Variants in FGF12 observed in about 807,000 individuals in gnomAD.
FGF12 encodes fibroblast growth factor 12B.
In FGF12, 14 loss-of-function variants were observed where a neutral mutation model predicts 23.6. The ratio of observed to expected loss-of-function variants is 0.59; its 90% CI spans 0.39 to 0.93. The LOEUF (loss-of-function observed/expected upper bound fraction) is 0.93. Among genes scored for constraint, FGF12 ranks in the 40% least tolerant of loss-of-function variants. The pLI is 0.00. For synonymous variants in FGF12, 62 were observed against 77.3 expected (o/e 0.80, Z 1.04); for missense variants, 175 against 217.8 (o/e 0.80, Z 1.24).
chr3:192,724,868 A>G (rs6798253), intron 2 of FGF12, among the ~76,000 whole-genome samples: 53,265 of 152,146 alleles, frequency 0.35, 11,748 homozygotes, highest in African/African-American at 0.61. Context: ...AAGATTAAAC[A>G]GGCCATTAGA....
At chr3:192,686,603 A>G (rs905568935) in intron 2 of FGF12, among the ~76,000 whole-genome samples, 5 of 152,016 alleles carry the variant, frequency 3.3e-5, no homozygotes, top group African/African-American at 1.2e-4. Context: ...TCCTTGACTC[A>G]GGTATTTTTT....
At chr3:192,186,273 A>G (rs1362010984) in intron 4 of FGF12, among the ~76,000 whole-genome samples, 2 of 152,242 alleles carry the variant, frequency 1.3e-5, no homozygotes, top group Non-Finnish European at 2.9e-5. Flanking sequence ...ATACTTTGAG[A>G]ATTACATGTG....
At chr3:192,692,734 T>A (rs1009096798) in intron 2 of FGF12, among the ~76,000 whole-genome samples, 1 of 151,818 alleles carries the variant, frequency 6.6e-6, no homozygotes, top group Non-Finnish European at 1.5e-5. Context: ...AAAATCATTT[T>A]AATAAATGCA....
intron 4 of FGF12, among the ~76,000 whole-genome samples, chr3:192,327,741 C>G (rs528640408): frequency 9.2e-5 from 14 of 151,812 alleles, no homozygotes; most frequent in African/African-American, 2.7e-4. Flanking sequence ...GCTCTATTGC[C>G]CAGGCTGGAG....
intron 2 of FGF12, among the ~76,000 whole-genome samples, chr3:192,687,941 C>G (rs1337678868): frequency 6.6e-6 from 1 of 152,110 alleles, no homozygotes; most frequent in Non-Finnish European, 1.5e-5. Context: ...GATGCACAAG[C>G]TTGCCACTGA....
intron 4 of FGF12, among the ~76,000 whole-genome samples, chr3:192,226,892 C>T (rs1445413703): frequency 6.6e-6 from 1 of 151,294 alleles, no homozygotes; most frequent in Non-Finnish European, 1.5e-5. Context: ...TCATGTTGCA[C>T]TTGGTAAATA....
intron 2 of FGF12, among the ~76,000 whole-genome samples, chr3:192,534,859 C>A (rs904826902): frequency 4.6e-5 from 7 of 152,010 alleles, no homozygotes; most frequent in African/African-American, 1.7e-4. Flanking sequence ...AACTATTTTT[C>A]TAATATTGGA....
In FGF12 at chr3:192,325,097, C is replaced by T. The variant is rs112284944; in HGVS notation, c.228+10264G>A. Among the ~76,000 whole-genome samples the T allele has an allele frequency of 1.3e-4, 20 of 152,182 alleles. 1 individual carries two copies. The highest frequency in any genetic ancestry group is 4.8e-4 in the African/African-American group (20 of 41,544). On this transcript the variant is annotated intron_variant, in intron 4 of 5. Coordinates refer to ENST00000445105, the MANE Select transcript of FGF12 (RefSeq NM_004113.6). ...ATCTGTTGTTTCTGAAAAAAGACAACCTAATCCCAACAAAAAATAACCCAT... is the reference window on the plus strand; with the variant it reads ...ATCTGTTGTTTCTGAAAAAAGACAATCTAATCCCAACAAAAAATAACCCAT...
chr3:192,475,711 A>C (rs1723297813), intron 2 of FGF12, among the ~76,000 whole-genome samples: 1 of 152,172 alleles, frequency 6.6e-6, no homozygotes, highest in Admixed American at 6.6e-5. Context: ...TTAAATGACA[A>C]AGAAATGAAA....
intron 2 of FGF12, among the ~76,000 whole-genome samples, chr3:192,543,375 TGCCAAGCCTGG>T (rs1725419090): frequency 6.6e-6 from 1 of 151,922 alleles, no homozygotes; most frequent in Non-Finnish European, 1.5e-5. Context: ...TGGTGAATGC[TGCCAAGCCTGG>T]GACACTCTCT....
At chr3:192,422,585 A>G (rs192962510) in intron 2 of FGF12, among the ~76,000 whole-genome samples, 63 of 152,310 alleles carry the variant, frequency 4.1e-4, no homozygotes, top group Middle Eastern at 3.4e-3. Flanking sequence ...GATAAAGGCA[A>G]TATTATTTAA....
chr3:192,250,568 T>C (rs1204325456), intron 4 of FGF12, among the ~76,000 whole-genome samples: 2 of 152,152 alleles, frequency 1.3e-5, no homozygotes, highest in African/African-American at 4.8e-5. Flanking sequence ...AAAATTCTGA[T>C]CATACTCTCC....
In FGF12 at chr3:192,336,894, G is replaced by T. The variant is rs1717444261; in HGVS notation, c.125-1430C>A. On this transcript the variant is annotated intron_variant, in intron 3 of 5. Coordinates refer to ENST00000445105, the MANE Select transcript of FGF12 (RefSeq NM_004113.6). This position sits in a 1 kb window ranked among gnomAD's most constrained non-coding sequence, Gnocchi z 4.3. ...TTAGACCACAAGTTTAGTAGAACAG[G>T]ATTCCATTCTTAGCTGTCGACATCG... Among the ~76,000 whole-genome samples, 1 of 152,084 alleles carries T rather than the reference G, an allele frequency of 6.6e-6. No homozygotes were observed. The highest frequency in any genetic ancestry group is 6.6e-5 in the Admixed American group (1 of 15,246).
At position 192,569,911 on chromosome 3, in the gene FGF12, C is replaced by T. The variant is rs76273342; in HGVS notation, c.13+157270G>A. On this transcript the variant is annotated intron_variant, in intron 2 of 5. Transcript: ENST00000445105. ...GTATAAAACAATGATTGGGGAAGAA[C>T]AGGACTAAGGATGTGAGGATACTAG... 6.3e-3 allele frequency among the ~76,000 whole-genome samples: 958 copies of T among 152,154 alleles called. 6 individuals carry two copies. The highest frequency in any genetic ancestry group is 0.022 in the African/African-American group (894 of 41,490).
At chr3:192,593,957 C>A (rs1713732698) in intron 2 of FGF12, among the ~76,000 whole-genome samples, 1 of 151,928 alleles carries the variant, frequency 6.6e-6, no homozygotes, top group Non-Finnish European at 1.5e-5. Flanking sequence ...TGTCTAGACA[C>A]TTTCATTCTT....
chr3:192,203,930 T>A (rs1443889151), intron 4 of FGF12, among the ~76,000 whole-genome samples: 1 of 152,126 alleles, frequency 6.6e-6, no homozygotes, highest in African/African-American at 2.4e-5. Flanking sequence ...ATGATTTCAA[T>A]TTTAGACATG....
chr3:192,341,332 T>G (rs1038444699), intron 3 of FGF12, among the ~76,000 whole-genome samples: 14 of 152,178 alleles, frequency 9.2e-5, no homozygotes, highest in Non-Finnish European at 1.9e-4. Context: ...CTGAATTATA[T>G]TTCTCTCTAC....
chr3:192,492,462 A>C (rs1723828829), intron 2 of FGF12, among the ~76,000 whole-genome samples: 1 of 152,140 alleles, frequency 6.6e-6, no homozygotes, highest in African/African-American at 2.4e-5. Flanking sequence ...AGGGTGGAGA[A>C]GAAGAAATTA....
intron 4 of FGF12, among the ~76,000 whole-genome samples, chr3:192,306,374 G>A (rs1715652858): frequency 6.6e-6 from 1 of 151,976 alleles, no homozygotes; most frequent in Admixed American, 6.6e-5. Flanking sequence ...TGAGTTGCAG[G>A]TTATGATTCT....
Sources: allele counts gnomAD v4.1 joint callset (sites outside exome capture counted in the v4.1 genomes callset), GRCh38; gene constraint gnomAD v4.1.1; non-coding constraint Gnocchi (gnomAD v3.1); transcripts MANE v1.5; gene names NCBI Gene and HGNC (gene_info 2026-07-23, HGNC 2026-07-21).